The following KIF2A variants were observed in gnomAD, a reference collection of about 807,000 sequenced individuals.
The protein encoded by KIF2A is kinesin-like protein KIF2A.
A neutral mutation model predicts 100.2 loss-of-function variants in KIF2A; 22 were observed. The ratio of observed to expected loss-of-function variants is 0.22; its 90% CI spans 0.16 to 0.31. The LOEUF (loss-of-function observed/expected upper bound fraction) is 0.31. KIF2A is among the 10% of genes least tolerant of loss of function. The pLI is 1.00. For synonymous variants in KIF2A, 268 were observed against 285.9 expected, an observed-to-expected ratio of 0.94 and a Z score of 0.63; for missense variants, 495 against 898.7, an observed-to-expected ratio of 0.55 and a Z score of 5.74.
intron 1 of KIF2A, among the ~76,000 whole-genome samples, chr5:62,346,128 T>C (rs865875062): frequency 2.2e-4 from 33 of 151,084 alleles, no homozygotes; most frequent in African/African-American, 7.4e-4. Flanking sequence ...TAATGAAATA[T>C]TATGTAATAA....
chr5:62,327,028 G>A (rs1746414296), intron 1 of KIF2A, among the ~76,000 whole-genome samples: 1 of 152,154 alleles, frequency 6.6e-6, no homozygotes, highest in Non-Finnish European at 1.5e-5. Context: ...TACTTGATCT[G>A]TTAGCAGCAT....
At chr5:62,333,063 T>C (rs1185041122) in intron 1 of KIF2A, among the ~76,000 whole-genome samples, 4 of 152,232 alleles carry the variant, frequency 2.6e-5, no homozygotes, top group Admixed American at 2.6e-4. Flanking sequence ...TGATTTTTTA[T>C]GTCTACTGTG....
intron 1 of KIF2A, among the ~76,000 whole-genome samples, chr5:62,321,373 C>T (rs1746082640): frequency 6.6e-6 from 1 of 152,126 alleles, no homozygotes; most frequent in Non-Finnish European, 1.5e-5. Context: ...ATTTTGCATT[C>T]CCACTAGTAA....
Position 62,389,389 on chromosome 5 carries a change from G to A in KIF2A, c.*3820G>A, listed in dbSNP as rs1287028521. On this transcript the variant is annotated 3_prime_UTR_variant, in exon 21 of 21. Coordinates refer to ENST00000407818, the MANE Select transcript of KIF2A (RefSeq NM_001098511.3). The stretch of plus-strand genomic sequence containing the variant: ...TAATCCCAGCTACTCGGGTGGTTGA[G>A]GCAGGAGATTTGCCTGAACCCAGGA... 6.7e-6 allele frequency among the ~76,000 whole-genome samples: 1 copy of A among 149,626 alleles called. No homozygotes were observed. Among genetic ancestry groups the A allele is most frequent in the Non-Finnish European group, 1.5e-5 (1 of 67,794 alleles).
At chr5:62,360,105 C>G (rs1174904077) in intron 9 of KIF2A, among the ~76,000 whole-genome samples, 1 of 152,008 alleles carries the variant, frequency 6.6e-6, no homozygotes, top group Non-Finnish European at 1.5e-5. Context: ...ATTCTCCTGC[C>G]TCAGCCTCCT....
At chr5:62,333,051 C>T (rs1006346801) in intron 1 of KIF2A, among the ~76,000 whole-genome samples, 5 of 152,162 alleles carry the variant, frequency 3.3e-5, no homozygotes, top group South Asian at 2.1e-4. Flanking sequence ...TGATACTTCG[C>T]ATGATTTTTT....
At chr5:62,373,318 ATAATT>A (rs1252060369) in intron 17 of KIF2A, among the ~76,000 whole-genome samples, 1 of 152,000 alleles carries the variant, frequency 6.6e-6, no homozygotes, top group East Asian at 1.9e-4. Flanking sequence ...TTCTGTTCAT[ATAATT>A]TAATTGCAAT....
At chr5:62,307,608 T>TC (rs1440045181) in intron 1 of KIF2A, among the ~76,000 whole-genome samples, 5 of 151,038 alleles carry the variant, frequency 3.3e-5, no homozygotes, top group Non-Finnish European at 1.5e-5. Flanking sequence ...TGTTCCTGAC[T>TC]CCATCTCTCA....
intron 1 of KIF2A, among the ~76,000 whole-genome samples, chr5:62,324,557 A>G (rs1372847338): frequency 2.0e-5 from 3 of 152,220 alleles, no homozygotes. Flanking sequence ...ATAAAGCCAC[A>G]CACCTACAAC....
chr5:62,370,300 A>C (rs546818931), intron 16 of KIF2A, among the ~76,000 whole-genome samples: 7 of 152,034 alleles, frequency 4.6e-5, no homozygotes, highest in African/African-American at 1.7e-4. Context: ...TTATTTATTT[A>C]TTTATTTATT....
rs1464122593 is a variant in KIF2A at position 62,363,286 on chromosome 5, G to C, written c.1228G>C (p.Val410Leu). 6.2e-7 allele frequency: 1 copy of C among 1,613,246 alleles called. No homozygotes were observed. Among genetic ancestry groups the C allele is most frequent in the African/African-American group, 1.3e-5 (1 of 74,910 alleles). The change falls in exon 13 of 21, where the codon GTA becomes CTA. Residue 410 changes from valine (V) to leucine (L), a missense_variant. Physicochemically the swap from Val to Leu is conservative, Grantham distance 32. Transcript: ENST00000407818. Reference protein sequence around the residue: ...QEREVKCVEDVLKLIDIGNSC... With the variant: ...QEREVKCVEDLLKLIDIGNSC... ...ACGGGAGGTCAAATGTGTTGAAGATGTACTGAAACTCATTGACATAGGCAA... is the reference window on the plus strand; with the variant it reads ...ACGGGAGGTCAAATGTGTTGAAGATCTACTGAAACTCATTGACATAGGCAA...
intron 16 of KIF2A, among the ~76,000 whole-genome samples, chr5:62,369,589 C>G (rs1741226932): frequency 6.6e-6 from 1 of 152,102 alleles, no homozygotes; most frequent in Admixed American, 6.6e-5. Context: ...ATAATTGTTT[C>G]AATTTTATTT....
intron 13 of KIF2A, among the ~76,000 whole-genome samples, 178 bp downstream of exon 13, chr5:62,363,498 T>A (rs1217826161): frequency 6.6e-6 from 1 of 152,222 alleles, no homozygotes; most frequent in Non-Finnish European, 1.5e-5. Context: ...ATTACAAATA[T>A]ATTAGAAATA....
At chr5:62,381,813 T>C (rs1014799062) in intron 20 of KIF2A, among the ~76,000 whole-genome samples, 2 of 152,164 alleles carry the variant, frequency 1.3e-5, no homozygotes, top group Non-Finnish European at 2.9e-5. Context: ...TCCTCCTGCC[T>C]TGACCTCCCA....
intron 16 of KIF2A, among the ~76,000 whole-genome samples, chr5:62,366,708 G>C (rs566774284): frequency 1.3e-5 from 2 of 152,088 alleles, no homozygotes; most frequent in East Asian, 3.9e-4. Flanking sequence ...GTGGGTGCCT[G>C]TAGTCCCAGC....
intron 1 of KIF2A, among the ~76,000 whole-genome samples, chr5:62,339,818 T>C (rs1353443928): frequency 6.6e-6 from 1 of 150,544 alleles, no homozygotes. Flanking sequence ...GCATATGCAA[T>C]TTAAAGAGAA....
chr5:62,341,582 G>C (rs1199788085), intron 1 of KIF2A, among the ~76,000 whole-genome samples: 1 of 152,148 alleles, frequency 6.6e-6, no homozygotes. Flanking sequence ...GATCACAGGT[G>C]TGAGCCACTG....
chr5:62,332,770 TATC>T (rs1476553002), intron 1 of KIF2A, among the ~76,000 whole-genome samples: 2 of 152,190 alleles, frequency 1.3e-5, no homozygotes, highest in Admixed American at 1.3e-4. Context: ...ATAAGTAAAA[TATC>T]ATCATGTGTG....
At chr5:62,355,128 A>C (rs2111932455) in intron 6 of KIF2A, 31 bp from the exon 7 acceptor site, 1 of 930,626 alleles carries the variant, frequency 1.1e-6, no homozygotes, top group Non-Finnish European at 1.7e-6. Flanking sequence ...TATTATATTT[A>C]TAATGGTGAA....
Sources: gnomAD v4.1 joint callset for allele counts (sites outside exome capture counted in the v4.1 genomes callset) on GRCh38, gnomAD v4.1.1 for gene constraint, MANE v1.5 for transcripts, NCBI Gene and HGNC (gene_info 2026-07-23, HGNC 2026-07-21) for gene names.